Variants in AHNAK observed in about 807,000 individuals in gnomAD.
AHNAK encodes the protein neuroblast differentiation-associated protein AHNAK.
A neutral mutation model predicts 37.8 loss-of-function variants in AHNAK; 23 were observed. The observed-to-expected ratio is 0.61, with a 90% CI of 0.44 to 0.86. The LOEUF is 0.86. Ranked by LOEUF, AHNAK falls within the 40% of genes least tolerant of loss-of-function variation. The probability of loss-of-function intolerance (pLI) is 0.00; values close to 1 mark genes in which losing one functional copy is unlikely to be tolerated. For missense variants in AHNAK, 7,411 were observed against 7,319.4 expected (o/e 1.01, Z -0.46); for synonymous variants, 2,481 against 2,636.3 (o/e 0.94, Z 1.80).
In AHNAK at chr11:62,523,192, G is replaced by A; in HGVS notation, c.11225C>T (p.Ala3742Val). The change falls in exon 5 of 5, where the codon GCT becomes GTT. Residue 3742 changes from alanine to valine, a missense_variant. Ala to Val is a moderately conservative substitution (Grantham distance 64). Transcript: ENST00000378024. Reference sequence around the variant, plus strand: ...AATGTCAGGCATCGATATTTTGGGAGCCTTCAGGTGCATCTCTGGTATCTT... The same window carrying A: ...AATGTCAGGCATCGATATTTTGGGAACCTTCAGGTGCATCTCTGGTATCTT... ...KFKIPEMHLK[A>V]PKISMPDIDL... The A allele has an allele frequency of 2.5e-6, 4 of 1,613,614 alleles. No homozygotes were observed. The South Asian group carries it at 4.4e-5, about 18-fold the overall frequency.
intron 5 of AHNAK, among the ~76,000 whole-genome samples, chr11:62,452,842 C>T (rs1187455461): frequency 2.0e-5 from 3 of 152,014 alleles, no homozygotes; most frequent in Non-Finnish European, 2.9e-5. Context: ...CTGGCCAACA[C>T]GGTGAAACCT....
intron 5 of AHNAK, among the ~76,000 whole-genome samples, chr11:62,436,206 G>A (rs897968071): frequency 9.9e-5 from 15 of 152,272 alleles, no homozygotes; most frequent in African/African-American, 2.4e-4. Flanking sequence ...TTCATAAAGG[G>A]GCTGGGCTTC....
At chr11:62,543,793 A>G (rs995905175) in intron 1 of AHNAK, among the ~76,000 whole-genome samples, 1 of 152,174 alleles carries the variant, frequency 6.6e-6, no homozygotes, top group African/African-American at 2.4e-5. Context: ...TGCCACTGCC[A>G]CCGCCCAAGC....
chr11:62,545,344 C>T (rs939960924), intron 1 of AHNAK, among the ~76,000 whole-genome samples: 1 of 152,230 alleles, frequency 6.6e-6, no homozygotes, highest in South Asian at 2.1e-4. Context: ...ACCCATCTGC[C>T]CCCTCCGCAC....
At chr11:62,473,289 T>G (rs1434100824) in intron 5 of AHNAK, among the ~76,000 whole-genome samples, 5 of 146,164 alleles carry the variant, frequency 3.4e-5, no homozygotes, top group Admixed American at 7.0e-5. Flanking sequence ...CCCAGCTACT[T>G]GAGGGGCTGA....
In AHNAK at chr11:62,525,487, A is replaced by C; in HGVS notation, c.8930T>G (p.Val2977Gly). The change falls in exon 5 of 5, where the codon GTG becomes GGG. Residue 2977 changes from valine (V) to glycine (G), a missense_variant. Val to Gly is a moderately radical substitution (Grantham distance 109). Coordinates refer to ENST00000378024, the MANE Select transcript of AHNAK (RefSeq NM_001620.3). The part of the protein sequence containing the change: ...DFDLHLKGPK[V>G]KGDVDISLPK... ...CAGAGAAATATCCACATCGCCCTTC[A>C]CCTTGGGACCTTTCAGATGCAAATC... 6.2e-7 allele frequency: 1 copy of C among 1,613,088 alleles called. No homozygotes were observed.
Position 62,531,457 on chromosome 11 carries a change from A to G in AHNAK, c.2960T>C (p.Val987Ala). 6.2e-7 allele frequency: 1 copy of G among 1,614,184 alleles called. No individual in the cohort carries two copies. The highest frequency in any genetic ancestry group is 8.5e-7 in the Non-Finnish European group (1 of 1,180,028). Residue 987 changes from valine (V) to alanine (A), a missense_variant, in exon 5 of 5, where the codon GTT becomes GCT. Physicochemically the swap from Val to Ala is moderately conservative, Grantham distance 64. Coordinates refer to ENST00000378024, the MANE Select transcript of AHNAK (RefSeq NM_001620.3). ...GPKVDVSAPD[V>A]EMQGPDWNLK... The stretch of plus-strand genomic sequence containing the variant: ...GTTCCAGTCAGGACCCTGCATTTCA[A>G]CATCTGGGGCACTGACATCTACTTT...
At chr11:62,483,644 G>A (rs1939322951) in intron 5 of AHNAK, among the ~76,000 whole-genome samples, 1 of 150,994 alleles carries the variant, frequency 6.6e-6, no homozygotes, top group Non-Finnish European at 1.5e-5. Context: ...GGATCATGAG[G>A]TCAGGAGATC....
intron 1 of AHNAK, among the ~76,000 whole-genome samples, chr11:62,539,834 G>A (rs1379655266): frequency 6.6e-6 from 1 of 152,226 alleles, no homozygotes; most frequent in African/African-American, 2.4e-5. Flanking sequence ...TGGCCCTGCT[G>A]TCCTGGCACA....
In AHNAK at chr11:62,525,744, G is replaced by T; in HGVS notation, c.8673C>A (p.His2891Gln). 1 of 1,613,068 alleles carries T rather than the reference G, an allele frequency of 6.2e-7. No homozygotes were observed. The highest frequency in any genetic ancestry group is 8.5e-7 in the Non-Finnish European group (1 of 1,179,820). ...PDVNVQGPDW[H>Q]LKMPKMKMPK... ...GCATTTTCATCTTGGGCATCTTCAG[G>T]TGCCAGTCTGGACCCTGAACATTAA... The change falls in exon 5 of 5, where the codon CAC becomes CAA. Residue 2891 changes from histidine to glutamine, a missense_variant. Coordinates refer to ENST00000378024, the MANE Select transcript of AHNAK (RefSeq NM_001620.3).
chr11:62,492,748 C>T (rs900868287), intron 4 of AHNAK, among the ~76,000 whole-genome samples: 3 of 151,548 alleles, frequency 2.0e-5, no homozygotes, highest in African/African-American at 7.3e-5. Flanking sequence ...TGTGGTGGCA[C>T]ACAACCGTAG....
intron 5 of AHNAK, among the ~76,000 whole-genome samples, chr11:62,438,554 C>T (rs187023785): frequency 2.4e-4 from 37 of 152,102 alleles, no homozygotes; most frequent in Non-Finnish European, 4.4e-4. Flanking sequence ...ATTTTAGAAA[C>T]GAATACTTTA....
chr11:62,433,832 G>T (rs1452414014), exon 6 of AHNAK: 1 of 1,612,218 alleles, frequency 6.2e-7, no homozygotes, highest in South Asian at 1.1e-5. Flanking sequence ...ATGCTCCAAA[G>T]AACGGTCACA....
chr11:62,527,785 C>T lies in AHNAK; in HGVS notation c.6632G>A (p.Gly2211Asp), dbSNP rs750680778. 4 of 1,613,844 alleles carry T rather than the reference C, an allele frequency of 2.5e-6. No individual in the cohort carries two copies. The Admixed American group carries it at 5.0e-5, about 20-fold the overall frequency. Residue 2211 changes from glycine to aspartate, a missense_variant, in exon 5 of 5, where the codon GGT (glycine) becomes GAT (aspartate). By Grantham distance (94) the Gly-to-Asp change is moderately conservative. Transcript: ENST00000378024. Reference protein sequence around the residue: ...DMDVSVPKVEGEMKVPDVDIR... With the variant: ...DMDVSVPKVEDEMKVPDVDIR... ...GTCAACATCTGGCACTTTCATTTCA[C>T]CTTCTACCTTGGGAACAGACACATC...
At chr11:62,462,703 G>C (rs929088811) in intron 5 of AHNAK, among the ~76,000 whole-genome samples, 3 of 152,156 alleles carry the variant, frequency 2.0e-5, no homozygotes, top group Non-Finnish European at 4.4e-5. Flanking sequence ...CCAGAAAATG[G>C]GCAGAAGGAG....
rs748376702 is a variant in AHNAK at position 62,521,361 on chromosome 11, C to T, written c.13056G>A (p.Val4352=). 1 of 1,613,572 alleles carries T rather than the reference C, an allele frequency of 6.2e-7. No individual in the cohort carries two copies. Among genetic ancestry groups the T allele is most frequent in the Admixed American group, 1.7e-5 (1 of 59,946 alleles). ...TACTGACATCAGGGGCATCAATGTC[C>T]ACTTTGGGGCCAGAAATCTCAATGT... is the stretch of plus-strand genomic sequence containing the variant. ...KADIEISGPK[V]DIDAPDVSIE... The change falls in exon 5 of 5, where the codon GTG becomes GTA. Residue 4352 remains valine, a synonymous_variant. Coordinates refer to ENST00000378024, the MANE Select transcript of AHNAK (RefSeq NM_001620.3).
chr11:62,489,053 A>T (rs958840706), intron 5 of AHNAK, among the ~76,000 whole-genome samples: 3 of 152,074 alleles, frequency 2.0e-5, no homozygotes, highest in Non-Finnish European at 4.4e-5. Context: ...AGCCTGGCCA[A>T]TATGGTGAAA....
In AHNAK at chr11:62,520,575, A is replaced by G. The variant is rs1369256456; in HGVS notation, c.13842T>C (p.Ser4614=). The change falls in exon 5 of 5, where the codon TCT becomes TCC. Residue 4614 remains serine, a synonymous_variant. Transcript: ENST00000378024. ...GPKVKGDMDI[S]LPKVEGDLKG... ...TGAGGTCGCCTTCCACTTTGGGCAG[A>G]GAAATGTCCATGTCGCCCTTCACCT... is the stretch of plus-strand genomic sequence containing the variant. 6.2e-7 allele frequency: 1 copy of G among 1,613,980 alleles called. No individual in the cohort carries two copies. Among genetic ancestry groups the G allele is most frequent in the Non-Finnish European group, 8.5e-7 (1 of 1,180,014 alleles).
chr11:62,522,305 TGA>T lies in AHNAK; in HGVS notation c.12110_12111del (p.Ile4037LysfsTer8). The T allele has an allele frequency of 6.2e-7, 1 of 1,613,328 alleles. No homozygotes were observed. Among genetic ancestry groups the T allele is most frequent in the Non-Finnish European group, 8.5e-7 (1 of 1,179,850 alleles). ...GCATCAATGTCCACTTTGGGGCCCT[TGA>T]TGTCAACTTCAGGGGCCTTTAGATC... ...EGDLKAPEVDIKGPKVDIDAP... is the reference protein window; with the variant it reads ...EGDLKAPEVDXKGPKVDIDAP... On this transcript the variant is annotated frameshift_variant, in exon 5 of 5. Coordinates refer to ENST00000378024, the MANE Select transcript of AHNAK (RefSeq NM_001620.3). LOFTEE classifies it low-confidence loss of function (END_TRUNC).
Sources: gnomAD v4.1 joint callset for allele counts (sites outside exome capture counted in the v4.1 genomes callset) on GRCh38, gnomAD v4.1.1 for gene constraint, MANE v1.5 for transcripts, NCBI Gene and HGNC (gene_info 2026-07-23, HGNC 2026-07-21) for gene names.